Variants in VGLL4 observed in about 807,000 individuals in gnomAD.
VGLL4 encodes vestigial like family member 4, also known as transcription cofactor vestigial-like protein 4.
Under a neutral mutation model 21.0 loss-of-function variants are expected in VGLL4, and 7 were observed. The ratio of observed to expected loss-of-function variants is 0.33; its 90% CI spans 0.19 to 0.63. The LOEUF is 0.63. Ranked by LOEUF, VGLL4 falls within the 20% of genes least tolerant of loss-of-function variation. The pLI is 0.78. For synonymous variants in VGLL4, 222 were observed against 173.2 expected (o/e 1.28, Z -2.21); for missense variants, 394 against 425.7 (o/e 0.93, Z 0.66).
chr3:11,565,736 G>A lies in VGLL4; in HGVS notation c.273-717C>T, dbSNP rs561715149. 1.3e-5 allele frequency among the ~76,000 whole-genome samples: 2 copies of A among 152,292 alleles called. No individual in the cohort carries two copies. The highest frequency in any genetic ancestry group is 1.9e-4 in the East Asian group (1 of 5,174). On this transcript the variant is annotated intron_variant, in intron 2 of 4. Transcript: ENST00000430365. This position sits in a 1 kb window ranked among gnomAD's most constrained non-coding sequence, Gnocchi z 4.1. ...CTGGCCATGTGCTGAGCACCCAGGC[G>A]ATGCCACGTGGAATCCAGGTGAGAC...
intron 2 of VGLL4, among the ~76,000 whole-genome samples, chr3:11,572,386 A>C (rs746866837): frequency 1.3e-5 from 2 of 152,190 alleles, no homozygotes; most frequent in Non-Finnish European, 2.9e-5. Context: ...GAGGGAGGAA[A>C]ATACAAAGAC....
intron 2 of VGLL4, among the ~76,000 whole-genome samples, chr3:11,654,928 C>T (rs1471926834): frequency 6.6e-6 from 1 of 152,122 alleles, no homozygotes; most frequent in Non-Finnish European, 1.5e-5. Context: ...CAAATAATGG[C>T]CAATACCACA....
intron 1 of VGLL4, among the ~76,000 whole-genome samples, chr3:11,635,298 G>C (rs1006605416): frequency 3.9e-5 from 6 of 152,196 alleles, no homozygotes; most frequent in African/African-American, 1.4e-4. Context: ...AGTTGGGAGA[G>C]ACTTGTATAG....
At chr3:11,573,391 GAAAGAAAA>G (rs1408045768) in intron 2 of VGLL4, among the ~76,000 whole-genome samples, 7 of 148,216 alleles carry the variant, frequency 4.7e-5, no homozygotes, top group African/African-American at 1.7e-4. Flanking sequence ...AAGAAAGAAA[GAAAGAAAA>G]TGGCCCCATA....
rs113131204 is a variant in VGLL4 at position 11,697,931 on chromosome 3, C to G, written c.64+5040G>C. ...TCCTTGCCACATCACTCACACCAGC[C>G]CCATCCAGCCTTGCTGATCATCTGC... On this transcript the variant is annotated intron_variant, in intron 2 of 5. Transcript: ENST00000273038. Among the ~76,000 whole-genome samples the G allele has an allele frequency of 7.6e-4, 116 of 152,306 alleles. 2 individuals are homozygous for G. Among genetic ancestry groups the G allele is most frequent in the Non-Finnish European group, 1.2e-3 (82 of 68,026 alleles).
chr3:11,674,465 A>C (rs896378300), intron 2 of VGLL4, among the ~76,000 whole-genome samples: 49 of 152,314 alleles, frequency 3.2e-4, no homozygotes, highest in African/African-American at 1.1e-3. Flanking sequence ...TTCTACAATA[A>C]GCCTGGAGAT....
chr3:11,564,662 A>ATCCCTCACCACCGCCC (rs1553720617), intron 3 of VGLL4, 135 bp downstream of exon 3: 23 of 936,090 alleles, frequency 2.5e-5, no homozygotes, highest in Middle Eastern at 6.5e-4. Context: ...GAAGGGTGGC[A>ATCCCTCACCACCGCCC]TCCCTCACCA....
chr3:11,669,952 A>G (rs1463576470), intron 2 of VGLL4, among the ~76,000 whole-genome samples: 9 of 152,168 alleles, frequency 5.9e-5, no homozygotes, highest in African/African-American at 9.7e-5. Context: ...CACCACACCC[A>G]GCTAGAATAT....
At chr3:11,629,746 CAAAA>C (rs10609918) in intron 1 of VGLL4, among the ~76,000 whole-genome samples, 3 of 85,356 alleles carry the variant, frequency 3.5e-5, no homozygotes, top group South Asian at 4.0e-4. Flanking sequence ...AGACGGGTCT[CAAAA>C]AAAAAAAAAA....
At chr3:11,580,188 C>T (rs1202858872) in intron 2 of VGLL4, among the ~76,000 whole-genome samples, 2 of 152,220 alleles carry the variant, frequency 1.3e-5, no homozygotes, top group Non-Finnish European at 2.9e-5. Flanking sequence ...CTCCTTCTTG[C>T]AGCCGCTGGA....
chr3:11,605,504 A>G (rs1406946626), intron 1 of VGLL4, among the ~76,000 whole-genome samples: 1 of 151,836 alleles, frequency 6.6e-6, no homozygotes, highest in African/African-American at 2.4e-5. Context: ...ACTCATCACC[A>G]TTCCACAGAG....
At chr3:11,590,663 A>AGTGTGTGT (rs10592668) in intron 2 of VGLL4, among the ~76,000 whole-genome samples, 51 of 147,374 alleles carry the variant, frequency 3.5e-4, no homozygotes, top group East Asian at 2.2e-3. Context: ...CAAAATGAAG[A>AGTGTGTGT]GTGTGTGTGT....
Position 11,558,125 on chromosome 3 carries a change from A to C in VGLL4, c.*431T>G. The C allele has an allele frequency of 4.5e-6, 1 of 221,714 alleles. No homozygotes were observed. The allele number at this position is 221,714 out of a possible 1,614,324, so 13.7% of individuals were successfully genotyped here. On this transcript the variant is annotated 3_prime_UTR_variant, in exon 5 of 5. Transcript: ENST00000430365. ...CAAGTATACACACGCACACACATGGACCGAACCAAACACGCCGTGGAAGCT... is the reference window on the plus strand; with the variant it reads ...CAAGTATACACACGCACACACATGGCCCGAACCAAACACGCCGTGGAAGCT...
chr3:11,699,169 G>C (rs1256445857), intron 2 of VGLL4, among the ~76,000 whole-genome samples: 1 of 152,192 alleles, frequency 6.6e-6, no homozygotes, highest in Non-Finnish European at 1.5e-5. Flanking sequence ...GGCTGAATCA[G>C]CCCAAGTAAG....
intron 1 of VGLL4, among the ~76,000 whole-genome samples, chr3:11,622,117 T>TA (rs1432005353): frequency 6.6e-6 from 1 of 152,232 alleles, no homozygotes; most frequent in African/African-American, 2.4e-5. Context: ...TCTATTATTA[T>TA]AGTTACCTAC....
chr3:11,629,264 C>T (rs1022457174), intron 1 of VGLL4, among the ~76,000 whole-genome samples: 4 of 151,940 alleles, frequency 2.6e-5, no homozygotes, highest in Admixed American at 6.5e-5. Flanking sequence ...TTATACATGC[C>T]TGTGTTTTTA....
At chr3:11,676,406 AAAAATAAAATAAT>A (rs2076291649) in intron 2 of VGLL4, among the ~76,000 whole-genome samples, 1 of 33,562 alleles carries the variant, frequency 3.0e-5, no homozygotes, top group African/African-American at 7.2e-5. Context: ...AAAAAAAAAA[AAAAATAAAATAAT>A]AATAATAATA....
At chr3:11,656,462 A>C (rs140718830) in intron 2 of VGLL4, among the ~76,000 whole-genome samples, 141 of 152,296 alleles carry the variant, frequency 9.3e-4, no homozygotes, top group African/African-American at 3.3e-3. Flanking sequence ...CTGGAAGGCT[A>C]ACAGGCTAGG....
At position 11,670,125 on chromosome 3, in the gene VGLL4, A is replaced by T. The variant is rs540262763; in HGVS notation, c.64+32846T>A. On this transcript the variant is annotated intron_variant, in intron 2 of 5. Transcript: ENST00000273038. ...CATGTCTGTTTCTAAAACAAAAAAAAAAAAAGCAAGAATATTCAGATGCGG... is the reference window on the plus strand; with the variant it reads ...CATGTCTGTTTCTAAAACAAAAAAATAAAAAGCAAGAATATTCAGATGCGG... Among the ~76,000 whole-genome samples, 43 of 152,242 alleles carry T rather than the reference A, an allele frequency of 2.8e-4. No individual in the cohort carries two copies. In the South Asian group the frequency reaches 6.4e-3, roughly 23 times the overall value.
Sources: allele counts gnomAD v4.1 joint callset (sites outside exome capture counted in the v4.1 genomes callset), GRCh38; gene constraint gnomAD v4.1.1; non-coding constraint Gnocchi (gnomAD v3.1); transcripts MANE v1.5; gene names NCBI Gene and HGNC (gene_info 2026-07-23, HGNC 2026-07-21).